Variants in SDHA observed in about 807,000 individuals in gnomAD.
The protein encoded by SDHA is succinate dehydrogenase [ubiquinone] flavoprotein subunit, mitochondrial.
SDHA carries 48 observed loss-of-function variants against 78.4 expected under a neutral mutation model. The observed-to-expected ratio is 0.61, with a 90% CI of 0.49 to 0.78. SDHA has a LOEUF of 0.78. SDHA is among the 30% of genes least tolerant of loss of function. The pLI is 0.00. For synonymous variants in SDHA, 326 were observed against 353.9 expected, an observed-to-expected ratio of 0.92 and a Z score of 0.88; for missense variants, 680 against 892.7, an observed-to-expected ratio of 0.76 and a Z score of 3.04.
rs369472691 is a variant in SDHA, at chr5:243,630, G to A, written c.1551+3154G>A. Among the ~76,000 whole-genome samples the A allele has an allele frequency of 7.9e-4, 120 of 152,282 alleles. 2 individuals are homozygous for A. In the Middle Eastern group the frequency reaches 0.024, roughly 30 times the overall value. The stretch of plus-strand genomic sequence containing the variant: ...CAGTAAAACAGGGACCAAAAGAACC[G>A]TACGCTGATTTTATAGCTCGGTTAC... On this transcript the variant is annotated intron_variant, in intron 11 of 14. Coordinates refer to ENST00000264932, the MANE Select transcript of SDHA (RefSeq NM_004168.4).
At chr5:235,376 A>G in intron 9 of SDHA, 37 bp downstream of exon 9, 1 of 1,605,032 alleles carries the variant, frequency 6.2e-7, no homozygotes, top group South Asian at 1.1e-5. Context: ...GCTGGAAAGA[A>G]GGCTGGGACG....
Position 228,372 on chromosome 5 carries a change from T to C in SDHA, c.770+39T>C, listed in dbSNP as rs368099030. On this transcript the variant is annotated intron_variant, in intron 6 of 14. Transcript: ENST00000264932. ...TTCTACTTTATTTTGTTTATAAAAA[T>C]GAATAAATTTCATTTAGAGTTTCTT... 2.5e-6 allele frequency: 4 copies of C among 1,581,660 alleles called. No homozygotes were observed. In the African/African-American group the frequency reaches 5.5e-5, roughly 22 times the overall value.
At chr5:235,441 T>C (rs1735718629) in intron 9 of SDHA, 102 bp downstream of exon 9, 1 of 1,153,586 alleles carries the variant, frequency 8.7e-7, no homozygotes, top group Non-Finnish European at 1.3e-6. Flanking sequence ...GATAGATGTT[T>C]CCTTCAAGAA....
chr5:242,050 A>G (rs1344936639), intron 11 of SDHA, among the ~76,000 whole-genome samples: 1 of 152,250 alleles, frequency 6.6e-6, no homozygotes, highest in Non-Finnish European at 1.5e-5. Flanking sequence ...TGCCTGCTGT[A>G]TCCCAGGCTC....
At chr5:232,131 T>C (rs1262165316) in intron 7 of SDHA, among the ~76,000 whole-genome samples, 1 of 152,174 alleles carries the variant, frequency 6.6e-6, no homozygotes, top group Non-Finnish European at 1.5e-5. Context: ...GAACCAGACC[T>C]GTGTCTTCTC....
At position 225,412 on chromosome 5, in the gene SDHA, T is replaced by C. The variant is rs201972549; in HGVS notation, c.313-7T>C. Reference sequence around the variant, plus strand: ...TGTGGCTTGTAAGGAGTGGTTGGTGTTTCCAGGGAGGAATCAATGCTGCTC... The same window carrying C: ...TGTGGCTTGTAAGGAGTGGTTGGTGCTTCCAGGGAGGAATCAATGCTGCTC... On this transcript the variant is annotated splice_region_variant and splice_polypyrimidine_tract_variant and intron_variant, in intron 3 of 14. Coordinates refer to ENST00000264932, the MANE Select transcript of SDHA (RefSeq NM_004168.4). 6.8e-5 allele frequency: 109 copies of C among 1,611,940 alleles called. No homozygotes were observed. The highest frequency in any genetic ancestry group is 8.4e-5 in the Non-Finnish European group (99 of 1,179,798).
the SDHA span, among the ~76,000 whole-genome samples, chr5:264,876 G>A: frequency 2.0e-5 from 3 of 152,130 alleles, no homozygotes; most frequent in African/African-American, 7.2e-5. Flanking sequence ...ATCTGGGGTG[G>A]GAGTTAAAAC....
intron 10 of SDHA, 51 bp from the exon 11 acceptor site, chr5:240,307 G>A: frequency 8.2e-7 from 1 of 1,217,714 alleles, no homozygotes. Flanking sequence ...AATCCATTTG[G>A]TTTTTTAAAA....
chr5:264,380 C>T, the SDHA span, among the ~76,000 whole-genome samples: 36,632 of 152,122 alleles, frequency 0.24, 6,881 homozygotes, highest in African/African-American at 0.53. Flanking sequence ...TGAAGGGAAG[C>T]GGGAGGTAAG....
Position 225,892 on chromosome 5 carries a change from T to C in SDHA, c.466T>C (p.Tyr156His), listed in dbSNP as rs569384870. The change falls in exon 5 of 15, where the codon TAT (tyrosine) becomes CAT (histidine). Residue 156 changes from tyrosine to histidine, a missense_variant. Coordinates refer to ENST00000264932, the MANE Select transcript of SDHA (RefSeq NM_004168.4). ...APAAVVELEN[Y>H]GMPFSRTEDG... is the part of the protein sequence containing the mutation. ...TTTTTATCTTTCACAGCTAGAAAAT[T>C]ATGGCATGCCGTTTAGCAGAACTGA... The C allele has an allele frequency of 1.2e-6, 2 of 1,612,820 alleles. No homozygotes were observed. The highest frequency in any genetic ancestry group is 1.1e-5 in the South Asian group (1 of 91,018).
chr5:238,806 A>G (rs1169310644), intron 10 of SDHA, among the ~76,000 whole-genome samples: 1 of 152,014 alleles, frequency 6.6e-6, no homozygotes, highest in Non-Finnish European at 1.5e-5. Context: ...CAAAAATACA[A>G]AAATTAGCTG....
the SDHA span, among the ~76,000 whole-genome samples, chr5:262,320 C>G: frequency 8.9e-6 from 1 of 112,678 alleles, no homozygotes; most frequent in African/African-American, 3.1e-5. Context: ...CGCCTCCCGT[C>G]AGAGCATTAC....
chr5:233,650 G>A lies in SDHA; in HGVS notation c.1064+5G>A, dbSNP rs200021115. On this transcript the variant is annotated splice_donor_5th_base_variant and intron_variant, in intron 8 of 14. Transcript: ENST00000264932. ...TCTGGAGATCCGAGAAGGAAGGTGC[G>A]TGTGATTTACCACCAGCACTGTCTG... 64 of 1,613,824 alleles carry A rather than the reference G, an allele frequency of 4.0e-5. No individual in the cohort carries two copies. The Middle Eastern group carries it at 6.6e-4, about 17-fold the overall frequency.
chr5:240,319 G>A (rs760676723), intron 10 of SDHA, 39 bp from the exon 11 acceptor site: 21 of 1,354,648 alleles, frequency 1.6e-5, no homozygotes, highest in African/African-American at 2.9e-5. Context: ...TTTTTAAAAC[G>A]GTTTTCAAAA....
Position 224,445 on chromosome 5 carries a change from G to A in SDHA, c.236G>A (p.Gly79Asp), listed in dbSNP as rs759568419. 4 of 1,613,636 alleles carry A rather than the reference G, an allele frequency of 2.5e-6. No individual in the cohort carries two copies. Among genetic ancestry groups the A allele is most frequent in the Non-Finnish European group, 2.5e-6 (3 of 1,179,854 alleles). The change falls in exon 3 of 15, where the codon GGC (glycine) becomes GAC (aspartate). Residue 79 changes from glycine to aspartate, a missense_variant. Transcript: ENST00000264932. ...GGGGCAGGCTTGCGAGCTGCATTTG[G>A]CCTTTCTGAGGCAGGGTTTAATACA... The part of the protein sequence containing the change: ...AGGAGLRAAF[G>D]LSEAGFNTAC...
At chr5:254,040 C>CA (rs1164355772) in intron 13 of SDHA, among the ~76,000 whole-genome samples, 45 of 147,780 alleles carry the variant, frequency 3.0e-4, no homozygotes, top group African/African-American at 9.1e-4. Flanking sequence ...GACCCTGTCT[C>CA]AAAAAAAAAA....
the SDHA span, among the ~76,000 whole-genome samples, chr5:263,637 C>G: frequency 1.3e-5 from 2 of 152,122 alleles, no homozygotes; most frequent in Non-Finnish European, 2.9e-5. Flanking sequence ...CATAAAAATG[C>G]GAACCAAAAA....
intron 8 of SDHA, chr5:234,690 G>T: frequency 9.2e-6 from 2 of 217,788 alleles, no homozygotes; most frequent in East Asian, 2.1e-4. Context: ...CTTGAAATGA[G>T]GATGATTTAA....
chr5:265,648 C>T, the SDHA span, among the ~76,000 whole-genome samples: 1 of 151,956 alleles, frequency 6.6e-6, no homozygotes, highest in Admixed American at 6.6e-5. Context: ...ATAGTGAAAC[C>T]CCATCTCTAA....
Sources: gnomAD v4.1 joint callset for allele counts (sites outside exome capture counted in the v4.1 genomes callset) on GRCh38, gnomAD v4.1.1 for gene constraint, MANE v1.5 for transcripts, NCBI Gene and HGNC (gene_info 2026-07-23, HGNC 2026-07-21) for gene names.